Variants in CTNNA3 observed in about 807,000 individuals in gnomAD.
The protein encoded by CTNNA3 is catenin alpha-3.
In CTNNA3, 76 loss-of-function variants were observed where a neutral mutation model predicts 95.7. That is an observed-to-expected ratio of 0.79 (90% CI 0.66 to 0.96). The LOEUF is 0.96. CTNNA3 is among the 40% of genes least tolerant of loss of function. The pLI is 0.00. For missense variants in CTNNA3, 1,191 were observed against 1,089.8 expected (o/e 1.09, Z -1.31); for synonymous variants, 431 against 374.4 (o/e 1.15, Z -1.74).
intron 2 of CTNNA3, among the ~76,000 whole-genome samples, chr10:67,621,021 T>C (rs1843827184): frequency 6.6e-6 from 1 of 151,322 alleles, no homozygotes; most frequent in African/African-American, 2.4e-5. Flanking sequence ...AGGGGCACCA[T>C]TTTATGGCAA....
At chr10:66,306,963 C>A (rs983596415) in intron 12 of CTNNA3, among the ~76,000 whole-genome samples, 16 of 152,156 alleles carry the variant, frequency 1.1e-4, no homozygotes, top group African/African-American at 3.9e-4. Context: ...CCCTAAATTA[C>A]TAACAACAAA....
intron 7 of CTNNA3, among the ~76,000 whole-genome samples, chr10:67,116,949 T>C (rs941038580): frequency 6.6e-6 from 1 of 151,728 alleles, no homozygotes; most frequent in African/African-American, 2.4e-5. Flanking sequence ...CTTACTATCT[T>C]CAAGACACTA....
chr10:66,956,759 T>C (rs756711923), intron 7 of CTNNA3, among the ~76,000 whole-genome samples: 11 of 152,242 alleles, frequency 7.2e-5, no homozygotes, highest in Non-Finnish European at 1.3e-4. Context: ...TGATTTCAAC[T>C]GAATTTGGCA....
chr10:66,462,307 A>T (rs577710519), intron 11 of CTNNA3, among the ~76,000 whole-genome samples: 1 of 152,208 alleles, frequency 6.6e-6, no homozygotes, highest in African/African-American at 2.4e-5. Flanking sequence ...ATCATGTTAC[A>T]CAATTCTTCA....
chr10:66,067,915 CA>C (rs201937548), intron 15 of CTNNA3, among the ~76,000 whole-genome samples: 2 of 149,198 alleles, frequency 1.3e-5, no homozygotes, highest in African/African-American at 4.9e-5. Context: ...GACTCCATCT[CA>C]AAAAAAAATA....
intron 14 of CTNNA3, among the ~76,000 whole-genome samples, chr10:66,073,200 T>C (rs2080477327): frequency 6.6e-6 from 1 of 152,094 alleles, no homozygotes; most frequent in African/African-American, 2.4e-5. Flanking sequence ...GTTCAAGAAA[T>C]CTATTATACA....
intron 9 of CTNNA3, among the ~76,000 whole-genome samples, chr10:66,666,965 T>A (rs564094074): frequency 6.8e-4 from 103 of 152,152 alleles, no homozygotes; most frequent in South Asian, 2.3e-3. Context: ...TAGTTTTTTT[T>A]AAAAAAAGGC....
At chr10:67,035,182 AATATAT>A in intron 7 of CTNNA3, among the ~76,000 whole-genome samples, 1 of 152,224 alleles carries the variant, frequency 6.6e-6, no homozygotes, top group Non-Finnish European at 1.5e-5. Flanking sequence ...TACCCATATG[AATATAT>A]AGATATGTAT....
At chr10:66,506,206 C>A (rs1840445175) in intron 11 of CTNNA3, among the ~76,000 whole-genome samples, 1 of 152,112 alleles carries the variant, frequency 6.6e-6, no homozygotes. Context: ...GGATCCACAC[C>A]CAAGGCCTAA....
intron 11 of CTNNA3, among the ~76,000 whole-genome samples, chr10:66,486,688 G>A (rs1367127278): frequency 6.6e-6 from 1 of 151,924 alleles, no homozygotes; most frequent in African/African-American, 2.4e-5. Flanking sequence ...CCCACTTCTG[G>A]GTATATAGCC....
At chr10:66,914,484 A>G (rs1045084620) in intron 7 of CTNNA3, among the ~76,000 whole-genome samples, 1 of 151,334 alleles carries the variant, frequency 6.6e-6, no homozygotes, top group Non-Finnish European at 1.5e-5. Flanking sequence ...ATGGGCCAAC[A>G]CGAACTGGCT....
intron 1 of CTNNA3, among the ~76,000 whole-genome samples, chr10:67,709,600 C>T (rs545968078): frequency 4.0e-4 from 61 of 151,992 alleles, no homozygotes; most frequent in Non-Finnish European, 7.2e-4. Flanking sequence ...GCAAGAATCA[C>T]CCCTCCCCCC....
chr10:66,870,449 AG>A (rs896198637), intron 7 of CTNNA3, among the ~76,000 whole-genome samples: 29 of 152,212 alleles, frequency 1.9e-4, no homozygotes, highest in African/African-American at 7.0e-4. Context: ...TTGTCCTATG[AG>A]AAAAACAAAT....
chr10:66,947,905 T>G (rs1490591243), intron 7 of CTNNA3, among the ~76,000 whole-genome samples: 1 of 152,100 alleles, frequency 6.6e-6, no homozygotes, highest in African/African-American at 2.4e-5. Context: ...CATCACAGAG[T>G]GTACTTACAT....
intron 16 of CTNNA3, among the ~76,000 whole-genome samples, chr10:65,987,730 T>C (rs1475888606): frequency 1.3e-5 from 2 of 152,078 alleles, no homozygotes; most frequent in African/African-American, 2.4e-5. Context: ...ATAGCTGCAC[T>C]CCTATGCTTA....
In CTNNA3 at chr10:66,576,653, A is replaced by C. The variant is rs1843012066; in HGVS notation, c.1374+45039T>G. Among the ~76,000 whole-genome samples the C allele has an allele frequency of 2.6e-5, 4 of 152,086 alleles. 1 individual carries two copies. The South Asian group carries it at 6.2e-4, about 24-fold the overall frequency. On this transcript the variant is annotated intron_variant, in intron 10 of 17. Transcript: ENST00000433211. ...AGCTACATTTCATGTTGCTGCAAAGAACATGATTTCATTCTTTTTTATGGC... is the reference window on the plus strand; with the variant it reads ...AGCTACATTTCATGTTGCTGCAAAGCACATGATTTCATTCTTTTTTATGGC...
intron 7 of CTNNA3, among the ~76,000 whole-genome samples, chr10:67,008,224 A>G (rs950393373): frequency 6.6e-6 from 1 of 152,158 alleles, no homozygotes; most frequent in African/African-American, 2.4e-5. Context: ...ATAAAAGCTG[A>G]AGAAATGAAC....
At chr10:66,501,888 A>G (rs114331184) in intron 11 of CTNNA3, among the ~76,000 whole-genome samples, 1 of 152,058 alleles carries the variant, frequency 6.6e-6, no homozygotes, top group Non-Finnish European at 1.5e-5. Context: ...AATAGTAAAA[A>G]CCTGAGAAAG....
intron 12 of CTNNA3, among the ~76,000 whole-genome samples, chr10:66,320,187 C>T (rs1389917576): frequency 6.6e-6 from 1 of 151,978 alleles, no homozygotes; most frequent in African/African-American, 2.4e-5. Flanking sequence ...TTTGAATATT[C>T]TTTCTTTTGG....
Sources: allele counts gnomAD v4.1 joint callset (sites outside exome capture counted in the v4.1 genomes callset), GRCh38; gene constraint gnomAD v4.1.1; transcripts MANE v1.5; gene names NCBI Gene and HGNC (gene_info 2026-07-23, HGNC 2026-07-21).